The following MYL2 variants were observed in gnomAD, a reference collection of about 807,000 sequenced individuals.
MYL2 encodes the protein myosin regulatory light chain 2, ventricular/cardiac muscle isoform.
In MYL2, 19 loss-of-function variants were observed where a neutral mutation model predicts 23.0. The observed-to-expected ratio is 0.83, with a 90% CI of 0.58 to 1.21. The LOEUF is 1.21. MYL2 is among the 50% of genes most tolerant of loss of function. The pLI, the probability that MYL2 is intolerant of heterozygous loss-of-function variation, is 0.00. For synonymous variants in MYL2, 78 were observed against 76.2 expected (o/e 1.02, Z -0.13); for missense variants, 180 against 215.1 (o/e 0.84, Z 1.02).
At chr12:110,920,502 C>T in intron 1 of MYL2, 25 bp downstream of exon 1, 4 of 1,614,180 alleles carry the variant, frequency 2.5e-6, no homozygotes, top group Non-Finnish European at 3.4e-6. Flanking sequence ...CCGGCATCAT[C>T]ACCTCCTGGA....
In MYL2 at chr12:110,913,316, G is replaced by A. The variant is rs121913658; in HGVS notation, c.283C>T (p.Pro95Ser). 6.2e-7 allele frequency: 1 copy of A among 1,614,200 alleles called. No homozygotes were observed. Residue 95 changes from proline to serine, a missense_variant, in exon 5 of 7, where the codon CCT (proline) becomes TCT (serine). Pro to Ser is a moderately conservative substitution (Grantham distance 74). Coordinates refer to ENST00000228841, the MANE Select transcript of MYL2 (RefSeq NM_000432.4). ...AATGCGTTGAGAATGGTTTCCTCAG[G>A]GTCCGCTCCTGAAACGGAACACAGG... ...MFGEKLKGAD[P>S]EETILNAFKV...
chr12:110,914,903 C>T (rs926429191), intron 3 of MYL2, among the ~76,000 whole-genome samples: 4 of 152,184 alleles, frequency 2.6e-5, no homozygotes, highest in Admixed American at 6.5e-5. Context: ...GGGAAAGGCT[C>T]ATGTTGTAAA....
At chr12:110,920,826 T>C (rs770763110), upstream of MYL2, 138 of 554,660 alleles carry the variant, frequency 2.5e-4, 2 homozygotes, top group Middle Eastern at 9.9e-4. Context: ...CTCTCTGCGG[T>C]GCTTGGGCCG....
At chr12:110,913,365 G>A in intron 4 of MYL2, 41 bp from the exon 5 acceptor site, 2 of 1,608,526 alleles carry the variant, frequency 1.2e-6, no homozygotes, top group Non-Finnish European at 1.7e-6. Context: ...GGGGGTGGCT[G>A]GGAACCACTG....
chr12:110,911,786 A>G (rs527778308), intron 6 of MYL2, among the ~76,000 whole-genome samples: 9 of 152,252 alleles, frequency 5.9e-5, no homozygotes, highest in Admixed American at 1.3e-4. Flanking sequence ...CACAGGGTCC[A>G]GGGTGTCAGA....
At position 110,918,678 on chromosome 12, in the gene MYL2, G is replaced by A. The variant is rs914608563; in HGVS notation, c.93+426C>T. The stretch of plus-strand genomic sequence containing the variant: ...AGGAAATGGTTTAAATACATGATAG[G>A]AAATGTTAATGGTGAATTTCTCAAC... On this transcript the variant is annotated intron_variant, in intron 2 of 6. Transcript: ENST00000228841. This position sits in a 1 kb window ranked among gnomAD's most constrained non-coding sequence, Gnocchi z 4.4. Among the ~76,000 whole-genome samples the A allele has an allele frequency of 6.6e-6, 1 of 152,154 alleles. No individual in the cohort carries two copies. Among genetic ancestry groups the A allele is most frequent in the African/African-American group, 2.4e-5 (1 of 41,434 alleles).
intron 2 of MYL2, among the ~76,000 whole-genome samples, chr12:110,916,122 G>A (rs1205445517): frequency 6.6e-6 from 1 of 152,200 alleles, no homozygotes; most frequent in African/African-American, 2.4e-5. Context: ...GGTTACTTGA[G>A]GTCAGGAATT....
In MYL2 at chr12:110,919,125, G is replaced by A; in HGVS notation, c.72C>T (p.Thr24=). The A allele has an allele frequency of 1.2e-6, 2 of 1,613,958 alleles. No homozygotes were observed. Among genetic ancestry groups the A allele is most frequent in the Non-Finnish European group, 1.7e-6 (2 of 1,180,008 alleles). The change falls in exon 2 of 7, where the codon ACC becomes ACT. Residue 24 remains threonine, a synonymous_variant. Coordinates refer to ENST00000228841, the MANE Select transcript of MYL2 (RefSeq NM_000432.4). ...CCACCTCCTTAAATTCCTGGATTTGGGTCTGTTCGAACATGGAGAACACGT... is the reference window on the plus strand; with the variant it reads ...CCACCTCCTTAAATTCCTGGATTTGAGTCTGTTCGAACATGGAGAACACGT... ...NSNVFSMFEQ[T]QIQEFKEAFT...
intron 6 of MYL2, among the ~76,000 whole-genome samples, chr12:110,911,957 A>G (rs971825435): frequency 1.3e-5 from 2 of 152,214 alleles, no homozygotes; most frequent in Non-Finnish European, 2.9e-5. Flanking sequence ...GAATCCTCGC[A>G]ATCTCCTATG....
chr12:110,911,132 T>C lies in MYL2; in HGVS notation c.446A>G (p.Asn149Ser). 1 of 1,613,790 alleles carries C rather than the reference T, an allele frequency of 6.2e-7. No homozygotes were observed. Among genetic ancestry groups the C allele is most frequent in the Admixed American group, 1.7e-5 (1 of 59,990 alleles). ...FAAFPPDVTG[N>S]LDYKNLVHII... ...GTGCACCAGGTTCTTGTAGTCCAAGTTGCCAGTCACGTCAGGGGGGAAGGC... is the reference window on the plus strand; with the variant it reads ...GTGCACCAGGTTCTTGTAGTCCAAGCTGCCAGTCACGTCAGGGGGGAAGGC... The change falls in exon 7 of 7, where the codon AAC becomes AGC. Residue 149 changes from asparagine to serine, a missense_variant. Physicochemically the swap from Asn to Ser is conservative, Grantham distance 46. Coordinates refer to ENST00000228841, the MANE Select transcript of MYL2 (RefSeq NM_000432.4).
At chr12:110,914,325 C>T (rs775051586) in intron 3 of MYL2, 35 bp from the exon 4 acceptor site, 2 of 1,496,606 alleles carry the variant, frequency 1.3e-6, no homozygotes, top group East Asian at 2.3e-5. Context: ...GGACTCCGAG[C>T]TGGGGAGAAA....
chr12:110,914,028 G>T (rs142999155), intron 4 of MYL2, among the ~76,000 whole-genome samples, 158 bp downstream of exon 4: 1 of 152,154 alleles, frequency 6.6e-6, no homozygotes, highest in Non-Finnish European at 1.5e-5. Context: ...AAGTGCTGGG[G>T]ATTACAGGCA....
Position 110,911,167 on chromosome 12 carries a change from C to A in MYL2, c.411G>T (p.Gln137His). 2 of 1,599,384 alleles carry A rather than the reference C, an allele frequency of 1.3e-6. No individual in the cohort carries two copies. Among genetic ancestry groups the A allele is most frequent in the Non-Finnish European group, 1.7e-6 (2 of 1,171,816 alleles). Reference sequence around the variant, plus strand: ...CGTCAGGGGGGAAGGCGGCGAACATCTGGTCAACCTGCAATGAGCCAGCAA... The same window carrying A: ...CGTCAGGGGGGAAGGCGGCGAACATATGGTCAACCTGCAATGAGCCAGCAA... The part of the protein sequence containing the change: ...AERFSKEEVD[Q>H]MFAAFPPDVT... The change falls in exon 7 of 7, where the codon CAG becomes CAT. Residue 137 changes from glutamine to histidine, a missense_variant. Transcript: ENST00000228841.
chr12:110,915,840 T>C, intron 2 of MYL2, 50 bp from the exon 3 acceptor site: 2 of 1,536,570 alleles, frequency 1.3e-6, no homozygotes, highest in Non-Finnish European at 1.8e-6. Context: ...ACTGGCAGAG[T>C]TGCCCAAGAG....
chr12:110,921,091 G>A (rs1039203218), upstream of MYL2, among the ~76,000 whole-genome samples: 1 of 152,226 alleles, frequency 6.6e-6, no homozygotes, highest in Non-Finnish European at 1.5e-5. Context: ...TGGCACTGTG[G>A]CTCATGCCTG....
At chr12:110,913,954 A>G (rs527321595) in intron 4 of MYL2, among the ~76,000 whole-genome samples, 1 of 152,108 alleles carries the variant, frequency 6.6e-6, no homozygotes, top group Admixed American at 6.6e-5. Context: ...ATGGGGTTTC[A>G]CCATGTTGGC....
At chr12:110,914,366 G>T in intron 3 of MYL2, 76 bp from the exon 4 acceptor site, 1 of 997,820 alleles carries the variant, frequency 1.0e-6, no homozygotes, top group Non-Finnish European at 1.6e-6. Context: ...TTGGCTCCTG[G>T]GATTCCACTT....
At chr12:110,914,159 G>T in intron 4 of MYL2, 27 bp downstream of exon 4, 1 of 1,376,714 alleles carries the variant, frequency 7.3e-7, no homozygotes, top group Non-Finnish European at 1.0e-6. Context: ...CATACACACA[G>T]ACACACACAC....
chr12:110,910,996 A>G lies in MYL2; in HGVS notation c.*81T>C. ...CATGGCTAACAGACAAGGTAGGGAC[A>G]GAGGCGGTACTCGGGGGAGAGAGAT... On this transcript the variant is annotated 3_prime_UTR_variant, in exon 7 of 7. Transcript: ENST00000228841. 8.0e-7 allele frequency: 1 copy of G among 1,251,736 alleles called. No homozygotes were observed. Among genetic ancestry groups the G allele is most frequent in the Non-Finnish European group, 1.2e-6 (1 of 851,440 alleles). The allele number at this position is 1,251,736 out of a possible 1,614,324, so 77.5% of individuals were successfully genotyped here.
Sources: allele counts gnomAD v4.1 joint callset (sites outside exome capture counted in the v4.1 genomes callset), GRCh38; gene constraint gnomAD v4.1.1; non-coding constraint Gnocchi (gnomAD v3.1); transcripts MANE v1.5; gene names NCBI Gene and HGNC (gene_info 2026-07-23, HGNC 2026-07-21).